The following TAF3 variants were observed in gnomAD, a reference collection of about 807,000 sequenced individuals.
The protein encoded by TAF3 is transcription initiation factor TFIID subunit 3.
In TAF3, 7 loss-of-function variants were observed where a neutral mutation model predicts 80.6. That is an observed-to-expected ratio of 0.09 (90% CI 0.05 to 0.16). The LOEUF is 0.16. TAF3 is among the 10% of genes least tolerant of loss of function. The pLI is 1.00. For synonymous variants in TAF3, 444 were observed against 446.1 expected (o/e 1.00, Z 0.06); for missense variants, 921 against 1,140.2 (o/e 0.81, Z 2.77).
intron 4 of TAF3, among the ~76,000 whole-genome samples, chr10:7,997,869 G>C (rs960371842): frequency 6.6e-6 from 1 of 152,136 alleles, no homozygotes; most frequent in African/African-American, 2.4e-5. Flanking sequence ...TGGCAATAAA[G>C]GCCAGCAGGA....
At chr10:8,001,633 C>T (rs1271256147) in intron 4 of TAF3, among the ~76,000 whole-genome samples, 1 of 152,092 alleles carries the variant, frequency 6.6e-6, no homozygotes, top group African/African-American at 2.4e-5. Context: ...TGGTGAGATA[C>T]TAGAAATTGT....
At position 8,013,808 on chromosome 10, in the gene TAF3, G is replaced by A. The variant is rs373123656; in HGVS notation, c.2646G>A (p.Gly882=). The A allele has an allele frequency of 1.3e-5, 21 of 1,614,150 alleles. No homozygotes were observed. Among genetic ancestry groups the A allele is most frequent in the Non-Finnish European group, 1.4e-5 (17 of 1,180,018 alleles). The change falls in exon 6 of 7, where the codon GGG becomes GGA. Residue 882 remains glycine, a synonymous_variant. Transcript: ENST00000344293. The stretch of plus-strand genomic sequence containing the variant: ...CTGACGATGGGAGTCCCATGATTGG[G>A]TGTGACGACTGCGATGACTGGTACC... ...NKPDDGSPMI[G]CDDCDDWYHW...
At chr10:7,947,722 A>C (rs1838039583) in intron 2 of TAF3, among the ~76,000 whole-genome samples, 1 of 152,186 alleles carries the variant, frequency 6.6e-6, no homozygotes, top group African/African-American at 2.4e-5. Flanking sequence ...GGATGGGGCC[A>C]GACCTTCCAA....
intron 4 of TAF3, among the ~76,000 whole-genome samples, chr10:7,978,992 G>A (rs1831698463): frequency 1.3e-5 from 2 of 152,106 alleles, no homozygotes; most frequent in African/African-American, 4.8e-5. Flanking sequence ...AGTGAGCTAT[G>A]ATCGTGCCCA....
chr10:7,895,764 A>G (rs1588542557), intron 2 of TAF3, among the ~76,000 whole-genome samples: 1 of 152,200 alleles, frequency 6.6e-6, no homozygotes, highest in Non-Finnish European at 1.5e-5. Context: ...TCTCATCTAC[A>G]AAATGAGGAT....
intron 2 of TAF3, among the ~76,000 whole-genome samples, chr10:7,846,864 C>G (rs1326830120): frequency 6.6e-6 from 1 of 152,090 alleles, no homozygotes; most frequent in African/African-American, 2.4e-5. Context: ...ATGAAATCAC[C>G]TAAGTAATAA....
At chr10:7,840,578 T>G (rs1328816413) in intron 2 of TAF3, among the ~76,000 whole-genome samples, 1 of 152,032 alleles carries the variant, frequency 6.6e-6, no homozygotes, top group African/African-American at 2.4e-5. Flanking sequence ...GCCAGAAATT[T>G]AACATTTCTT....
At chr10:8,008,487 T>C (rs1245903378) in intron 4 of TAF3, among the ~76,000 whole-genome samples, 1 of 151,996 alleles carries the variant, frequency 6.6e-6, no homozygotes, top group Non-Finnish European at 1.5e-5. Context: ...GCATTGAGAG[T>C]ATTAAGAAGA....
chr10:7,920,536 A>C (rs1837753948), intron 2 of TAF3, among the ~76,000 whole-genome samples: 1 of 152,190 alleles, frequency 6.6e-6, no homozygotes. Flanking sequence ...TGTGTAGCCT[A>C]TAATGAAATA....
At chr10:7,999,663 G>T (rs544377862) in intron 4 of TAF3, among the ~76,000 whole-genome samples, 1 of 152,180 alleles carries the variant, frequency 6.6e-6, no homozygotes, top group South Asian at 2.1e-4. Flanking sequence ...CACCATGTTG[G>T]CCAGGCTGGT....
intron 1 of TAF3, among the ~76,000 whole-genome samples, chr10:7,820,721 C>T (rs1836682453): frequency 6.6e-6 from 1 of 152,192 alleles, no homozygotes. Flanking sequence ...TGTCAAACTC[C>T]TGGGCTCAAG....
At chr10:7,926,935 T>C (rs1386016263) in intron 2 of TAF3, among the ~76,000 whole-genome samples, 2 of 152,206 alleles carry the variant, frequency 1.3e-5, no homozygotes, top group African/African-American at 4.8e-5. Context: ...CGTGTGTATA[T>C]ATATTATCAC....
chr10:7,946,655 G>A (rs1437704646), intron 2 of TAF3, among the ~76,000 whole-genome samples: 2 of 151,826 alleles, frequency 1.3e-5, no homozygotes, highest in Non-Finnish European at 2.9e-5. Context: ...CCCAGGAGGT[G>A]GAGGCTGCAG....
In TAF3 at chr10:7,884,217, G is replaced by GCTGTACCCGGTTTGGCCCCTGGGAGCCC. The variant is rs1305539484; in HGVS notation, c.409+59660_409+59687dup. ...TGTTATTATTTATTTCACTGCTTCA[G>GCTGTACCCGGTTTGGCCCCTGGGAGCCC]CTGTACCCGGTTTGGCCCCTGGGAG... On this transcript the variant is annotated intron_variant, in intron 2 of 6. Coordinates refer to ENST00000344293, the MANE Select transcript of TAF3 (RefSeq NM_031923.4). 3.9e-5 allele frequency among the ~76,000 whole-genome samples: 6 copies of GCTGTACCCGGTTTGGCCCCTGGGAGCCC among 152,102 alleles called. No homozygotes were observed. The East Asian group carries it at 1.2e-3, about 29-fold the overall frequency.
At chr10:7,979,158 C>T (rs559612561) in intron 4 of TAF3, among the ~76,000 whole-genome samples, 15 of 151,986 alleles carry the variant, frequency 9.9e-5, no homozygotes, top group Non-Finnish European at 1.8e-4. Flanking sequence ...TCCTGTCTAA[C>T]ACGGTGAAAC....
At chr10:7,927,207 G>T (rs1837824557) in intron 2 of TAF3, among the ~76,000 whole-genome samples, 1 of 152,154 alleles carries the variant, frequency 6.6e-6, no homozygotes, top group African/African-American at 2.4e-5. Flanking sequence ...AAATGGTTTT[G>T]AGTCATTAAA....
intron 1 of TAF3, among the ~76,000 whole-genome samples, chr10:7,823,795 C>A (rs777052689): frequency 2.0e-5 from 3 of 152,038 alleles, no homozygotes; most frequent in Non-Finnish European, 4.4e-5. Context: ...CCACCACGCC[C>A]GGCTAATTTT....
chr10:7,916,659 G>A (rs1029968840), intron 2 of TAF3, among the ~76,000 whole-genome samples: 1 of 152,010 alleles, frequency 6.6e-6, no homozygotes, highest in Non-Finnish European at 1.5e-5. Context: ...ATTTAATTTT[G>A]TAGATCAAAT....
rs1353590477 is a variant in TAF3, at chr10:8,013,974, A to T, written c.2675+137A>T. 22 of 674,442 alleles carry T rather than the reference A, an allele frequency of 3.3e-5. No individual in the cohort carries two copies. In the Admixed American group the frequency reaches 5.7e-4, roughly 17 times the overall value. The allele number at this position is 674,442 out of a possible 1,614,324, so 41.8% of individuals were successfully genotyped here. On this transcript the variant is annotated intron_variant, in intron 6 of 6. Transcript: ENST00000344293. ...TAGGGACAGTACATGGAGTCAAATC[A>T]CTGAGCCTGTGAAGTGCAATTAACT...
Sources: gnomAD v4.1 joint callset for allele counts (sites outside exome capture counted in the v4.1 genomes callset) on GRCh38, gnomAD v4.1.1 for gene constraint, MANE v1.5 for transcripts, NCBI Gene and HGNC (gene_info 2026-07-23, HGNC 2026-07-21) for gene names.